Variants in HMCN1 observed in about 807,000 individuals in gnomAD.
The protein encoded by HMCN1 is hemicentin-1.
HMCN1 carries 321 observed loss-of-function variants against 625.9 expected under a neutral mutation model. That is an observed-to-expected ratio of 0.51 (90% CI 0.47 to 0.56). The LOEUF (loss-of-function observed/expected upper bound fraction) is 0.56. HMCN1 is among the 20% of genes least tolerant of loss of function. HMCN1 has a pLI of 0.00. For synonymous variants in HMCN1, 2,425 were observed against 2,417.6 expected (o/e 1.00, Z -0.09); for missense variants, 6,588 against 6,887.3 (o/e 0.96, Z 1.54).
intron 11 of HMCN1, among the ~76,000 whole-genome samples, chr1:185,939,341 C>A (rs1432652590): frequency 6.6e-6 from 1 of 152,110 alleles, no homozygotes; most frequent in African/African-American, 2.4e-5. Flanking sequence ...GGAAATTCCC[C>A]AGGAAAGGAA....
At chr1:186,023,288 G>GTT (rs74451695) in intron 36 of HMCN1, 135 bp downstream of exon 36, 4,148 of 518,232 alleles carry the variant, frequency 8.0e-3, no homozygotes, top group East Asian at 0.01. Context: ...AAAACCTAGG[G>GTT]TTTTTTTTTT....
chr1:186,189,134 T>A (rs556954194), intron 106 of HMCN1, among the ~76,000 whole-genome samples: 9 of 152,346 alleles, frequency 5.9e-5, no homozygotes, highest in African/African-American at 2.2e-4. Context: ...GGATACTATA[T>A]AATTAAAAAG....
intron 4 of HMCN1, among the ~76,000 whole-genome samples, chr1:185,890,325 A>G (rs1435959376): frequency 6.8e-6 from 1 of 147,692 alleles, no homozygotes; most frequent in Admixed American, 6.6e-5. Context: ...TTCTGCTCTG[A>G]TTTTAGGTAT....
At chr1:185,739,635 T>TTCAC (rs1653837926) in intron 1 of HMCN1, among the ~76,000 whole-genome samples, 1 of 152,214 alleles carries the variant, frequency 6.6e-6, no homozygotes, top group Admixed American at 6.5e-5. Flanking sequence ...CATTCATTCA[T>TTCAC]TCACTCACCT....
chr1:186,082,102 A>G (rs147370867), intron 56 of HMCN1, among the ~76,000 whole-genome samples: 225 of 152,300 alleles, frequency 1.5e-3, no homozygotes, highest in African/African-American at 5.1e-3. Context: ...GACTATTTCT[A>G]TGTGATAATC....
At position 185,980,971 on chromosome 1, in the gene HMCN1, CT is replaced by C. The variant is rs1651591522; in HGVS notation, c.2567-3del. On this transcript the variant is annotated splice_region_variant and splice_polypyrimidine_tract_variant and intron_variant, in intron 16 of 106. Coordinates refer to ENST00000271588, the MANE Select transcript of HMCN1 (RefSeq NM_031935.3). ...TATTGGATGAGTAAATGAGTTCTTC[CT>C]TTTAGACTTATGGGCAAGTGATAAA... 2 of 1,557,814 alleles carry C rather than the reference CT, an allele frequency of 1.3e-6. No homozygotes were observed. The highest frequency in any genetic ancestry group is 1.8e-6 in the Non-Finnish European group (2 of 1,129,050).
intron 1 of HMCN1, among the ~76,000 whole-genome samples, chr1:185,766,040 G>A (rs1557951289): frequency 6.6e-6 from 1 of 152,134 alleles, no homozygotes; most frequent in South Asian, 2.1e-4. Context: ...GGTAGCTTGA[G>A]TTATCTTTGT....
chr1:185,758,001 A>T (rs1014076976), intron 1 of HMCN1, among the ~76,000 whole-genome samples: 2 of 152,256 alleles, frequency 1.3e-5, no homozygotes, highest in Non-Finnish European at 2.9e-5. Flanking sequence ...TGATGAATCA[A>T]GTAAAAATGA....
At chr1:185,825,316 A>G (rs1285314256) in intron 1 of HMCN1, among the ~76,000 whole-genome samples, 1 of 152,154 alleles carries the variant, frequency 6.6e-6, no homozygotes, top group African/African-American at 2.4e-5. Flanking sequence ...TGCTTTTTCT[A>G]TTATGTCTGG....
chr1:185,984,511 G>C (rs1651881999), intron 19 of HMCN1, among the ~76,000 whole-genome samples, 198 bp downstream of exon 19: 1 of 152,026 alleles, frequency 6.6e-6, no homozygotes, highest in African/African-American at 2.4e-5. Context: ...AGACATTCTT[G>C]GGAGTCACCA....
At chr1:185,979,454 G>C (rs1289722873) in intron 16 of HMCN1, among the ~76,000 whole-genome samples, 1 of 152,138 alleles carries the variant, frequency 6.6e-6, no homozygotes, top group Non-Finnish European at 1.5e-5. Flanking sequence ...AGAAAAGGAA[G>C]AATAAAAGAG....
chr1:185,828,662 C>A (rs933423172), intron 1 of HMCN1, among the ~76,000 whole-genome samples: 1 of 151,920 alleles, frequency 6.6e-6, no homozygotes, highest in Non-Finnish European at 1.5e-5. Flanking sequence ...CTATACAGCA[C>A]CACAAGGAAA....
rs201728180 is a variant in HMCN1, at chr1:186,145,733, C to G, written c.14438-20C>G. 4.7e-4 allele frequency: 754 copies of G among 1,613,904 alleles called. No individual in the cohort carries two copies. The highest frequency in any genetic ancestry group is 3.4e-4 in the Non-Finnish European group (400 of 1,179,940). On this transcript the variant is annotated intron_variant, in intron 92 of 106. Coordinates refer to ENST00000271588, the MANE Select transcript of HMCN1 (RefSeq NM_031935.3). ...TTGAAGCCAATTTCTTAACAGTGAC[C>G]ATTCCATTCTTGTTCACAGTGGATG...
intron 71 of HMCN1, among the ~76,000 whole-genome samples, chr1:186,108,958 A>G (rs775792499): frequency 9.2e-5 from 14 of 152,198 alleles, no homozygotes; most frequent in Non-Finnish European, 1.6e-4. Context: ...CCACGTCTCT[A>G]GGGAGAATGC....
At chr1:186,020,240 TA>T (rs1267097979) in intron 35 of HMCN1, among the ~76,000 whole-genome samples, 2 of 148,516 alleles carry the variant, frequency 1.3e-5, no homozygotes, top group Non-Finnish European at 3.0e-5. Flanking sequence ...AGATTGATGA[TA>T]GATAGATAGA....
intron 52 of HMCN1, among the ~76,000 whole-genome samples, chr1:186,074,427 T>A (rs1386932995): frequency 1.3e-5 from 2 of 152,000 alleles, no homozygotes; most frequent in Non-Finnish European, 2.9e-5. Context: ...AAAAAATTTT[T>A]CCAACATGAA....
intron 11 of HMCN1, among the ~76,000 whole-genome samples, chr1:185,948,936 T>G (rs1188870444): frequency 1.3e-5 from 2 of 149,496 alleles, no homozygotes; most frequent in African/African-American, 5.0e-5. Flanking sequence ...TATTGTGGGG[T>G]TGTTAGAAGA....
At chr1:186,182,403 C>T (rs917997565) in intron 105 of HMCN1, 116 bp downstream of exon 105, 12 of 1,192,374 alleles carry the variant, frequency 1.0e-5, no homozygotes, top group African/African-American at 1.5e-5. Context: ...TACCCATTCC[C>T]GTGGGTCAGA....
At chr1:186,065,959 T>G (rs1011101585) in intron 49 of HMCN1, among the ~76,000 whole-genome samples, 21 of 152,230 alleles carry the variant, frequency 1.4e-4, no homozygotes, top group African/African-American at 5.1e-4. Context: ...TAATATCATA[T>G]AATTCTACTA....
Sources: gnomAD v4.1 joint callset for allele counts (sites outside exome capture counted in the v4.1 genomes callset) on GRCh38, gnomAD v4.1.1 for gene constraint, MANE v1.5 for transcripts, NCBI Gene and HGNC (gene_info 2026-07-23, HGNC 2026-07-21) for gene names.